ASTN2: variants seen among roughly 807,000 people sequenced by gnomAD.
ASTN2 encodes the protein astrotactin 2.
ASTN2 carries 54 observed loss-of-function variants against 139.8 expected under a neutral mutation model. The observed-to-expected ratio is 0.39, with a 90% CI of 0.31 to 0.48. The LOEUF is 0.48. ASTN2 is among the 20% of genes least tolerant of loss of function. The probability of loss-of-function intolerance (pLI) is 0.95; values close to 1 mark genes in which losing one functional copy is unlikely to be tolerated. For synonymous variants in ASTN2, 756 were observed against 719.5 expected, an observed-to-expected ratio of 1.05 and a Z score of -0.81; for missense variants, 1,565 against 1,725.1, an observed-to-expected ratio of 0.91 and a Z score of 1.64.
intron 11 of ASTN2, among the ~76,000 whole-genome samples, chr9:116,836,719 T>C (rs1233300139): frequency 6.6e-6 from 1 of 152,098 alleles, no homozygotes; most frequent in Non-Finnish European, 1.5e-5. Flanking sequence ...ATGTCTTTCC[T>C]TGGGTCCCAA....
intron 20 of ASTN2, among the ~76,000 whole-genome samples, chr9:116,447,242 G>C (rs1171364374): frequency 6.6e-6 from 1 of 152,132 alleles, no homozygotes; most frequent in Non-Finnish European, 1.5e-5. Context: ...CCTCTGGAAA[G>C]TCTGCTTTGA....
chr9:117,216,811 A>G (rs1157118847), intron 2 of ASTN2, among the ~76,000 whole-genome samples: 1 of 151,876 alleles, frequency 6.6e-6, no homozygotes, highest in Admixed American at 6.6e-5. Context: ...GAAGAGAGGA[A>G]AGGGCTGGGG....
intron 1 of ASTN2, among the ~76,000 whole-genome samples, chr9:117,408,418 G>A (rs908684279): frequency 6.6e-6 from 1 of 152,148 alleles, no homozygotes; most frequent in African/African-American, 2.4e-5. Flanking sequence ...GCCCATCAAA[G>A]TCGACGGTTG....
At chr9:116,946,647 G>A (rs1452502950) in intron 10 of ASTN2, among the ~76,000 whole-genome samples, 6 of 152,054 alleles carry the variant, frequency 3.9e-5, no homozygotes, top group Non-Finnish European at 8.8e-5. Flanking sequence ...GGGTTGAAGG[G>A]GTATCAAGCC....
intron 16 of ASTN2, among the ~76,000 whole-genome samples, chr9:116,715,232 A>T (rs940423406): frequency 6.6e-6 from 1 of 152,104 alleles, no homozygotes; most frequent in Non-Finnish European, 1.5e-5. Context: ...TCTATTTGTG[A>T]CAGTTCTCAG....
At chr9:116,682,710 G>T (rs1859962484) in intron 16 of ASTN2, among the ~76,000 whole-genome samples, 1 of 152,164 alleles carries the variant, frequency 6.6e-6, no homozygotes, top group South Asian at 2.1e-4. Context: ...AAAATGATGA[G>T]TTCATGTCCT....
intron 13 of ASTN2, among the ~76,000 whole-genome samples, chr9:116,741,255 A>C (rs553922760): frequency 6.6e-6 from 1 of 152,322 alleles, no homozygotes; most frequent in East Asian, 1.9e-4. Context: ...AAATTGAGGT[A>C]TTCCAGGAAG....
rs539112027 is a variant in ASTN2, at chr9:116,712,591, T to G, written c.2806+13180A>C. 9.2e-5 allele frequency among the ~76,000 whole-genome samples: 14 copies of G among 152,208 alleles called. 1 individual carries two copies. Among genetic ancestry groups the G allele is most frequent in the Admixed American group, 9.2e-4 (14 of 15,274 alleles). On this transcript the variant is annotated intron_variant, in intron 16 of 22. Transcript: ENST00000313400. ...TTATGCCACCTCCTGCTTCTCCTAG[T>G]ACCTGCATCCCTGAATCATTAAGTC...
chr9:116,528,312 T>A (rs186818745), intron 19 of ASTN2, among the ~76,000 whole-genome samples: 35 of 152,280 alleles, frequency 2.3e-4, no homozygotes, highest in African/African-American at 7.7e-4. Context: ...TCCCCTGCCC[T>A]AGAGATCTGT....
At chr9:116,863,544 C>A in intron 11 of ASTN2, 39 bp downstream of exon 11, 1 of 1,606,636 alleles carries the variant, frequency 6.2e-7, no homozygotes, top group South Asian at 1.1e-5. Context: ...GCCTTAGCCC[C>A]TGGGCCACTG....
At chr9:116,896,840 C>T (rs186309646) in intron 10 of ASTN2, among the ~76,000 whole-genome samples, 1 of 152,220 alleles carries the variant, frequency 6.6e-6, no homozygotes, top group East Asian at 1.9e-4. Context: ...GGACACCATC[C>T]CAGTGATCCA....
chr9:116,662,307 T>C (rs1858607908), intron 16 of ASTN2, among the ~76,000 whole-genome samples: 1 of 152,170 alleles, frequency 6.6e-6, no homozygotes, highest in African/African-American at 2.4e-5. Flanking sequence ...GTGCAGTGGC[T>C]CATGCCTGTA....
intron 19 of ASTN2, among the ~76,000 whole-genome samples, chr9:116,511,111 C>T (rs1850355799): frequency 6.6e-6 from 1 of 152,072 alleles, no homozygotes; most frequent in Admixed American, 6.6e-5. Flanking sequence ...CCATTTTTTG[C>T]CCATTCAGTA....
chr9:117,212,006 A>C (rs140769353), intron 3 of ASTN2, among the ~76,000 whole-genome samples: 25 of 152,338 alleles, frequency 1.6e-4, no homozygotes, highest in African/African-American at 5.5e-4. Context: ...ATATACTACA[A>C]AGCTGTAGTA....
intron 19 of ASTN2, among the ~76,000 whole-genome samples, chr9:116,578,758 G>A (rs11787627): frequency 0.36 from 52,892 of 146,302 alleles, 9,449 homozygotes; most frequent in Non-Finnish European, 0.4. Context: ...AAAAAGCTGC[G>A]TTTTTCAAAT....
At chr9:117,357,346 C>T (rs901449774) in intron 1 of ASTN2, among the ~76,000 whole-genome samples, 1 of 151,896 alleles carries the variant, frequency 6.6e-6, no homozygotes, top group African/African-American at 2.4e-5. Context: ...GTAAAGGTGC[C>T]TAGGCTTGCA....
intron 1 of ASTN2, among the ~76,000 whole-genome samples, chr9:117,401,414 T>C (rs1368064166): frequency 6.6e-6 from 1 of 152,082 alleles, no homozygotes; most frequent in Non-Finnish European, 1.5e-5. Flanking sequence ...TTGAGTTTTG[T>C]GAGCAAGGGA....
intron 10 of ASTN2, among the ~76,000 whole-genome samples, chr9:116,956,375 A>T (rs919852401): frequency 6.7e-6 from 1 of 149,306 alleles, no homozygotes; most frequent in Non-Finnish European, 1.5e-5. Flanking sequence ...CTGGGATTAC[A>T]GGCATGAGAC....
At chr9:116,851,260 G>A (rs138770854) in intron 11 of ASTN2, among the ~76,000 whole-genome samples, 1 of 152,108 alleles carries the variant, frequency 6.6e-6, no homozygotes, top group African/African-American at 2.4e-5. Context: ...TAAAAGACAG[G>A]GTCTTGGCCA....
Sources: allele counts gnomAD v4.1 joint callset (sites outside exome capture counted in the v4.1 genomes callset), GRCh38; gene constraint gnomAD v4.1.1; transcripts MANE v1.5; gene names NCBI Gene and HGNC (gene_info 2026-07-23, HGNC 2026-07-21).